Variants in TCF15 observed in about 807,000 individuals in gnomAD.
TCF15 encodes TCF-15.
A neutral mutation model predicts 11.1 loss-of-function variants in TCF15; 7 were observed. The observed-to-expected ratio is 0.63, with a 90% CI of 0.36 to 1.19. TCF15 has a LOEUF of 1.19. TCF15 is among the 50% of genes most tolerant of loss of function. TCF15 has a pLI of 0.02. For synonymous variants in TCF15, 144 were observed against 138.9 expected, an observed-to-expected ratio of 1.04 and a Z score of -0.26; for missense variants, 288 against 289.4, an observed-to-expected ratio of 1.00 and a Z score of 0.03.
rs1300427701 is a variant in TCF15 at position 604,645 on chromosome 20, C to T, written c.546G>A (p.Gly182=). Residue 182 remains glycine, a synonymous_variant, in exon 2 of 2, where the codon GGG becomes GGA. Coordinates refer to ENST00000246080, the MANE Select transcript of TCF15 (RefSeq NM_004609.4). The surrounding 1 kb of genome is among the most constrained non-coding windows in gnomAD (Gnocchi z 4.2). ...CCCCCCTCACCTTCAAGCAGCTGCC[C>T]CCCAGGTCACGACGGCCACCCTGCA... is the stretch of plus-strand genomic sequence containing the variant. ...QRKGGGRRDL[G]GSCLKVRGVA... The T allele has an allele frequency of 6.4e-7, 1 of 1,553,398 alleles. No individual in the cohort carries two copies. Among genetic ancestry groups the T allele is most frequent in the Non-Finnish European group, 8.7e-7 (1 of 1,147,888 alleles).
Position 610,279 on chromosome 20 carries a change from G to A in TCF15, c.-42C>T. 1.0e-6 allele frequency: 1 copy of A among 987,888 alleles called. No individual in the cohort carries two copies. Among genetic ancestry groups the A allele is most frequent in the Non-Finnish European group, 1.2e-6 (1 of 832,424 alleles). 61.2% of individuals were successfully genotyped at this position (987,888 alleles called of 1,614,324 possible). ...CCTCCGTGCGCCGCGTCCCAGCGTC[G>A]GCCGCGCCCCGCCGTGCGCTCCCGC... On this transcript the variant is annotated 5_prime_UTR_variant, in exon 1 of 2. Transcript: ENST00000246080.
chr20:610,252 TC>T lies in TCF15; in HGVS notation c.-16del. On this transcript the variant is annotated 5_prime_UTR_variant, in exon 1 of 2. Coordinates refer to ENST00000246080, the MANE Select transcript of TCF15 (RefSeq NM_004609.4). ...GCGAACGCCATGGGCGCCGGCCGCG[TC>T]CCTCCGTGCGCCGCGTCCCAGCGTC... The T allele has an allele frequency of 1.0e-6, 1 of 992,140 alleles. No homozygotes were observed. The highest frequency in any genetic ancestry group is 1.2e-6 in the Non-Finnish European group (1 of 835,850). The allele number at this position is 992,140 out of a possible 1,614,324, so 61.5% of individuals were successfully genotyped here.
rs2020005530 is a variant in TCF15, at chr20:609,694, A to G, written c.525+19T>C. The G allele has an allele frequency of 7.5e-7, 1 of 1,340,948 alleles. No individual in the cohort carries two copies. The highest frequency in any genetic ancestry group is 3.1e-5 in the East Asian group (1 of 32,310). 83.1% of individuals were successfully genotyped at this position (1,340,948 alleles called of 1,614,324 possible). A position where few individuals can be genotyped will look rare whatever the true frequency, so the allele number is the denominator to read the frequency against. On this transcript the variant is annotated intron_variant, in intron 1 of 1. Transcript: ENST00000246080. This position sits in a 1 kb window ranked among gnomAD's most constrained non-coding sequence, Gnocchi z 4.7. Reference sequence around the variant, plus strand: ...CTACCCCGACCTGGCGGCCGCAGCGAGGGACGCAGCACACTCACCCCCTTG... The same window carrying G: ...CTACCCCGACCTGGCGGCCGCAGCGGGGGACGCAGCACACTCACCCCCTTG...
In TCF15 at chr20:604,655, C is replaced by A. The variant is rs997078677; in HGVS notation, c.536G>T (p.Arg179Leu). The change falls in exon 2 of 2, where the codon CGT (arginine) becomes CTT (leucine). Residue 179 changes from arginine to leucine, a missense_variant. Arg to Leu is a moderately radical substitution (Grantham distance 102, BLOSUM62 -2). Coordinates refer to ENST00000246080, the MANE Select transcript of TCF15 (RefSeq NM_004609.4). This position sits in a 1 kb window ranked among gnomAD's most constrained non-coding sequence, Gnocchi z 4.2. ...CTTCAAGCAGCTGCCCCCCAGGTCA[C>A]GACGGCCACCCTGCAGAGGGGGAGA... ...LSNQRKGGGR[R>L]DLGGSCLKVR... The A allele has an allele frequency of 1.3e-6, 2 of 1,552,190 alleles. No individual in the cohort carries two copies. Among genetic ancestry groups the A allele is most frequent in the Non-Finnish European group, 8.7e-7 (1 of 1,147,314 alleles).
In TCF15 at chr20:609,868, G is replaced by A. The variant is rs756252566; in HGVS notation, c.370C>T (p.Leu124=). 12 of 1,528,016 alleles carry A rather than the reference G, an allele frequency of 7.9e-6. No homozygotes were observed. The Admixed American group carries it at 2.2e-4, about 28-fold the overall frequency. The allele number at this position is 1,528,016 out of a possible 1,614,324, so 94.7% of individuals were successfully genotyped here. The change falls in exon 1 of 2, where the codon CTG becomes TTG. Residue 124 remains leucine (L), a synonymous_variant. Transcript: ENST00000246080. The surrounding 1 kb of genome is among the most constrained non-coding windows in gnomAD (Gnocchi z 4.7). The stretch of plus-strand genomic sequence containing the variant: ...TCGCCCAGCAGCAGCACGTTGGCCA[G>A]GTGCGCGATGTAGCTGGACGCCAGG... ...VRLASSYIAH[L]ANVLLLGDSA...
chr20:604,714 A>C lies in TCF15; in HGVS notation c.526-49T>G. The C allele has an allele frequency of 5.1e-6, 7 of 1,380,594 alleles. No individual in the cohort carries two copies. Among genetic ancestry groups the C allele is most frequent in the Non-Finnish European group, 5.9e-6 (6 of 1,015,360 alleles). 85.5% of individuals were successfully genotyped at this position (1,380,594 alleles called of 1,614,324 possible). A position where few individuals can be genotyped will look rare whatever the true frequency, so the allele number is the denominator to read the frequency against. On this transcript the variant is annotated intron_variant, in intron 1 of 1. Transcript: ENST00000246080. The surrounding 1 kb of genome is among the most constrained non-coding windows in gnomAD (Gnocchi z 4.2). ...AAAGAGGTTCGATTAGGCCAGTGTGAACACTGGAACTAACCTCTGTATCCC... is the reference window on the plus strand; with the variant it reads ...AAAGAGGTTCGATTAGGCCAGTGTGCACACTGGAACTAACCTCTGTATCCC...
chr20:609,930 G>C lies in TCF15; in HGVS notation c.308C>G (p.Pro103Arg). ...TALRTLIPTE[P>R]VDRKLSKIET... ...GATCTTGGACAGCTTGCGGTCCACCGGCTCGGTGGGGATGAGCGTGCGCAG... is the reference window on the plus strand; with the variant it reads ...GATCTTGGACAGCTTGCGGTCCACCCGCTCGGTGGGGATGAGCGTGCGCAG... The change falls in exon 1 of 2, where the codon CCG becomes CGG. Residue 103 changes from proline (P) to arginine (R), a missense_variant. Pro to Arg is a moderately radical substitution (Grantham distance 103). Transcript: ENST00000246080. The surrounding 1 kb of genome is among the most constrained non-coding windows in gnomAD (Gnocchi z 4.7). The C allele has an allele frequency of 1.3e-6, 2 of 1,515,888 alleles. No homozygotes were observed. Among genetic ancestry groups the C allele is most frequent in the Non-Finnish European group, 1.8e-6 (2 of 1,141,206 alleles). 93.9% of individuals were successfully genotyped at this position (1,515,888 alleles called of 1,614,324 possible).
rs1390725780 is a variant in TCF15 at position 609,661 on chromosome 20, C to T, written c.525+52G>A. 2 of 1,324,714 alleles carry T rather than the reference C, an allele frequency of 1.5e-6. No individual in the cohort carries two copies. Among genetic ancestry groups the T allele is most frequent in the Admixed American group, 4.2e-5 (1 of 24,054 alleles). 82.1% of individuals were successfully genotyped at this position (1,324,714 alleles called of 1,614,324 possible). The stretch of plus-strand genomic sequence containing the variant: ...CTCTCCGGTTCCCGCAGAGGCGCTG[C>T]CCCCCGCCTACCCCGACCTGGCGGC... On this transcript the variant is annotated intron_variant, in intron 1 of 1. Transcript: ENST00000246080. This position sits in a 1 kb window ranked among gnomAD's most constrained non-coding sequence, Gnocchi z 4.7.
In TCF15 at chr20:609,835, C is replaced by T; in HGVS notation, c.403G>A (p.Asp135Asn). ...GCACGGAAGCACGGCTGCCCGTCGT[C>T]GGCCGAGTCGCCCAGCAGCAGCACG... ...ANVLLLGDSA[D>N]DGQPCFRAAG... is the part of the protein sequence containing the mutation. Residue 135 changes from aspartate to asparagine, a missense_variant, in exon 1 of 2, where the codon GAC becomes AAC. Transcript: ENST00000246080. This position sits in a 1 kb window ranked among gnomAD's most constrained non-coding sequence, Gnocchi z 4.7. 18 of 1,521,398 alleles carry T rather than the reference C, an allele frequency of 1.2e-5. No homozygotes were observed. Among genetic ancestry groups the T allele is most frequent in the Non-Finnish European group, 1.6e-5 (18 of 1,145,562 alleles). The allele number at this position is 1,521,398 out of a possible 1,614,324, so 94.2% of individuals were successfully genotyped here.
chr20:609,893 G>A lies in TCF15; in HGVS notation c.345C>T (p.Arg115=). 1 of 1,529,434 alleles carries A rather than the reference G, an allele frequency of 6.5e-7. No homozygotes were observed. Among genetic ancestry groups the A allele is most frequent in the Non-Finnish European group, 8.7e-7 (1 of 1,149,034 alleles). 94.7% of individuals were successfully genotyped at this position (1,529,434 alleles called of 1,614,324 possible). The stretch of plus-strand genomic sequence containing the variant: ...GGTGCGCGATGTAGCTGGACGCCAG[G>A]CGCACGGTCTCGATCTTGGACAGCT... The part of the protein sequence containing the change: ...DRKLSKIETV[R]LASSYIAHLA... The change falls in exon 1 of 2, where the codon CGC becomes CGT. Residue 115 remains arginine (R), a synonymous_variant. Coordinates refer to ENST00000246080, the MANE Select transcript of TCF15 (RefSeq NM_004609.4). This position sits in a 1 kb window ranked among gnomAD's most constrained non-coding sequence, Gnocchi z 4.7.
rs1189631888 is a variant in TCF15, at chr20:610,295, G to A, written c.-58C>T. 2.1e-5 allele frequency: 21 copies of A among 983,564 alleles called. No individual in the cohort carries two copies. The highest frequency in any genetic ancestry group is 2.5e-5 in the Non-Finnish European group (21 of 828,746). 60.9% of individuals were successfully genotyped at this position (983,564 alleles called of 1,614,324 possible). On this transcript the variant is annotated 5_prime_UTR_variant, in exon 1 of 2. Coordinates refer to ENST00000246080, the MANE Select transcript of TCF15 (RefSeq NM_004609.4). ...CCCAGCGTCGGCCGCGCCCCGCCGT[G>A]CGCTCCCGCGCGCTCCCACGGCCCC...
At chr20:608,290 A>C (rs987584149) in intron 1 of TCF15, among the ~76,000 whole-genome samples, 3 of 152,256 alleles carry the variant, frequency 2.0e-5, no homozygotes, top group Admixed American at 1.3e-4. Context: ...GGGGACCTAC[A>C]ACCTGCTTCT....
intron 1 of TCF15, among the ~76,000 whole-genome samples, chr20:606,852 AGTTT>A (rs1210393310): frequency 6.7e-6 from 1 of 148,528 alleles, no homozygotes; most frequent in Non-Finnish European, 1.5e-5. Context: ...ACAAGACCCC[AGTTT>A]GTTTGTCCCT....
Position 609,820 on chromosome 20 carries a change from A to G in TCF15, c.418T>C (p.Cys140Arg). The G allele has an allele frequency of 6.6e-7, 1 of 1,510,364 alleles. No homozygotes were observed. The highest frequency in any genetic ancestry group is 1.3e-5 in the South Asian group (1 of 79,270). 93.6% of individuals were successfully genotyped at this position (1,510,364 alleles called of 1,614,324 possible). Residue 140 changes from cysteine to arginine, a missense_variant, in exon 1 of 2, where the codon TGC (cysteine) becomes CGC (arginine). Physicochemically the swap from Cys to Arg is radical, Grantham distance 180. Transcript: ENST00000246080. This position sits in a 1 kb window ranked among gnomAD's most constrained non-coding sequence, Gnocchi z 4.7. ...LGDSADDGQPCFRAAGSAKGA... is the reference protein window; with the variant it reads ...LGDSADDGQPRFRAAGSAKGA... ...TTGGCACTGCCCGCGGCACGGAAGC[A>G]CGGCTGCCCGTCGTCGGCCGAGTCG...
Position 610,255 on chromosome 20 carries a change from C to A in TCF15, c.-18G>T. Reference sequence around the variant, plus strand: ...AACGCCATGGGCGCCGGCCGCGTCCCTCCGTGCGCCGCGTCCCAGCGTCGG... The same window carrying A: ...AACGCCATGGGCGCCGGCCGCGTCCATCCGTGCGCCGCGTCCCAGCGTCGG... On this transcript the variant is annotated 5_prime_UTR_variant, in exon 1 of 2. It adds an upstream start codon to the 5' untranslated region. Coordinates refer to ENST00000246080, the MANE Select transcript of TCF15 (RefSeq NM_004609.4). The A allele has an allele frequency of 1.0e-6, 1 of 991,190 alleles. No homozygotes were observed. Among genetic ancestry groups the A allele is most frequent in the Non-Finnish European group, 1.2e-6 (1 of 835,018 alleles). 61.4% of individuals were successfully genotyped at this position (991,190 alleles called of 1,614,324 possible).
At chr20:607,237 G>A (rs1175584638) in intron 1 of TCF15, among the ~76,000 whole-genome samples, 1 of 152,100 alleles carries the variant, frequency 6.6e-6, no homozygotes, top group Non-Finnish European at 1.5e-5. Context: ...GGTGACAAAG[G>A]GAAAACAGGG....
At chr20:605,260 G>A (rs1012002467) in intron 1 of TCF15, among the ~76,000 whole-genome samples, 4 of 152,066 alleles carry the variant, frequency 2.6e-5, no homozygotes, top group Admixed American at 6.5e-5. Context: ...TATTTTACAC[G>A]GGCAAAACAA....
In TCF15 at chr20:604,747, G is replaced by A. The variant is rs1188024591; in HGVS notation, c.526-82C>T. The A allele has an allele frequency of 3.6e-6, 4 of 1,097,934 alleles. No individual in the cohort carries two copies. In the African/African-American group the frequency reaches 4.8e-5, roughly 13 times the overall value. 68.0% of individuals were successfully genotyped at this position (1,097,934 alleles called of 1,614,324 possible). On this transcript the variant is annotated intron_variant, in intron 1 of 1. Coordinates refer to ENST00000246080, the MANE Select transcript of TCF15 (RefSeq NM_004609.4). This position sits in a 1 kb window ranked among gnomAD's most constrained non-coding sequence, Gnocchi z 4.2. The stretch of plus-strand genomic sequence containing the variant: ...AACTAACCTCTGTATCCCTCAAGAG[G>A]GATCCTGATCAATAAATCACAGTTC...
intron 1 of TCF15, among the ~76,000 whole-genome samples, chr20:608,395 A>C (rs887890273): frequency 1.3e-5 from 2 of 152,244 alleles, no homozygotes; most frequent in African/African-American, 4.8e-5. Flanking sequence ...AGTATCCCTG[A>C]GAGCCCCTTC....
Sources: allele counts gnomAD v4.1 joint callset (sites outside exome capture counted in the v4.1 genomes callset), GRCh38; gene constraint gnomAD v4.1.1; non-coding constraint Gnocchi (gnomAD v3.1); transcripts MANE v1.5; gene names NCBI Gene and HGNC (gene_info 2026-07-23, HGNC 2026-07-21).